The following EHBP1 variants were observed in gnomAD, a reference collection of about 807,000 sequenced individuals.
The protein encoded by EHBP1 is EH domain-binding protein 1.
Under a neutral mutation model 144.0 loss-of-function variants are expected in EHBP1, and 55 were observed. The ratio of observed to expected loss-of-function variants is 0.38; its 90% confidence interval spans 0.31 to 0.48. The LOEUF is 0.48. EHBP1 is among the 20% of genes least tolerant of loss of function. The pLI is 0.98. For synonymous variants in EHBP1, 469 were observed against 472.7 expected, an observed-to-expected ratio of 0.99 and a Z score of 0.10; for missense variants, 1,200 against 1,364.2, an observed-to-expected ratio of 0.88 and a Z score of 1.90.
chr2:62,741,551 T>G (rs1237312554), intron 2 of EHBP1, among the ~76,000 whole-genome samples: 1 of 152,140 alleles, frequency 6.6e-6, no homozygotes, highest in Non-Finnish European at 1.5e-5. Flanking sequence ...AGTGTCAGCG[T>G]TTTTGTTGTT....
intron 10 of EHBP1, among the ~76,000 whole-genome samples, chr2:62,940,443 A>G (rs78722946): frequency 0.098 from 14,946 of 152,218 alleles, 935 homozygotes; most frequent in Non-Finnish European, 0.14. Flanking sequence ...ACCCTATGAG[A>G]TATGTACCGT....
At chr2:62,681,359 T>TATATATATATATATATATAA (rs1553363754) in intron 1 of EHBP1, among the ~76,000 whole-genome samples, 10 of 78,342 alleles carry the variant, frequency 1.3e-4, no homozygotes, top group African/African-American at 3.7e-4. Context: ...TATATATATA[T>TATATATATATATATATATAA]AATGTGTATA....
At chr2:62,677,634 C>T (rs955724640) in intron 1 of EHBP1, among the ~76,000 whole-genome samples, 8 of 152,062 alleles carry the variant, frequency 5.3e-5, no homozygotes, top group Admixed American at 2.0e-4. Flanking sequence ...CTTCCCCCCA[C>T]CTACCCCACT....
chr2:62,981,632 C>T (rs895669419), intron 15 of EHBP1, among the ~76,000 whole-genome samples: 3 of 152,132 alleles, frequency 2.0e-5, no homozygotes, highest in African/African-American at 7.2e-5. Flanking sequence ...CTAGACTAGG[C>T]AAGGAGACTG....
intron 3 of EHBP1, among the ~76,000 whole-genome samples, chr2:62,758,351 C>T (rs1034351467): frequency 1.3e-5 from 2 of 152,144 alleles, no homozygotes; most frequent in Admixed American, 6.5e-5. Flanking sequence ...TCAGATGAGC[C>T]GCCCGCCTCA....
intron 3 of EHBP1, among the ~76,000 whole-genome samples, chr2:62,754,298 AGAACAGCAAATGTTGCT>A (rs758647566): frequency 2.3e-4 from 35 of 152,322 alleles, no homozygotes; most frequent in Middle Eastern, 6.8e-3. Flanking sequence ...TGAAGGCTGC[AGAACAGCAAATGTTGCT>A]GAACAGCAAA....
intron 5 of EHBP1, among the ~76,000 whole-genome samples, chr2:62,795,513 T>G (rs1346534406): frequency 6.6e-6 from 1 of 152,052 alleles, no homozygotes; most frequent in Non-Finnish European, 1.5e-5. Flanking sequence ...ATAAGGTTCT[T>G]AAGGCATCAG....
At chr2:62,918,881 G>C (rs1254574862) in intron 10 of EHBP1, among the ~76,000 whole-genome samples, 1 of 152,166 alleles carries the variant, frequency 6.6e-6, no homozygotes, top group East Asian at 1.9e-4. Flanking sequence ...TCCCAACCGA[G>C]ACAACATTTG....
At chr2:62,968,220 T>C (rs1364559714) in intron 14 of EHBP1, among the ~76,000 whole-genome samples, 1 of 152,152 alleles carries the variant, frequency 6.6e-6, no homozygotes, top group Non-Finnish European at 1.5e-5. Context: ...GAACTATGAC[T>C]TACATAGAAG....
chr2:62,839,161 T>C (rs1360677619), intron 7 of EHBP1, among the ~76,000 whole-genome samples: 1 of 151,170 alleles, frequency 6.6e-6, no homozygotes, highest in Admixed American at 6.6e-5. Context: ...GTGGGCTTCA[T>C]CCGTGGGATG....
chr2:62,932,586 T>A (rs1158527210), intron 10 of EHBP1, among the ~76,000 whole-genome samples: 2 of 152,142 alleles, frequency 1.3e-5, no homozygotes, highest in Admixed American at 1.3e-4. Context: ...AGTTTCAGTT[T>A]TACAAAATCA....
intron 7 of EHBP1, among the ~76,000 whole-genome samples, chr2:62,836,474 G>A (rs200402255): frequency 0.99 from 124,008 of 125,662 alleles, 61,177 homozygotes; most frequent in Middle Eastern, 1. Context: ...CACCAGCAAC[G>A]GAACAAAGCT....
intron 7 of EHBP1, among the ~76,000 whole-genome samples, chr2:62,843,947 A>G (rs549101160): frequency 2.0e-5 from 3 of 152,208 alleles, no homozygotes; most frequent in Non-Finnish European, 2.9e-5. Flanking sequence ...CACAGTTTTT[A>G]TGGAGGAATT....
chr2:62,990,872 A>G, intron 16 of EHBP1, 32 bp downstream of exon 16: 1 of 1,572,556 alleles, frequency 6.4e-7, no homozygotes, highest in Non-Finnish European at 8.6e-7. Context: ...CATTTGGCTT[A>G]GTATCTGTGT....
At chr2:63,021,790 G>A (rs370519694) in intron 19 of EHBP1, among the ~76,000 whole-genome samples, 27 of 151,168 alleles carry the variant, frequency 1.8e-4, no homozygotes, top group African/African-American at 5.6e-4. Context: ...TTTTTAAAAC[G>A]GAGTCTCACA....
At chr2:62,919,859 T>C (rs1236155474) in intron 10 of EHBP1, among the ~76,000 whole-genome samples, 1 of 151,860 alleles carries the variant, frequency 6.6e-6, no homozygotes, top group African/African-American at 2.4e-5. Flanking sequence ...AACTGAAAAG[T>C]ACAATAACTG....
At chr2:62,859,998 C>T (rs139811937) in intron 8 of EHBP1, among the ~76,000 whole-genome samples, 1 of 152,040 alleles carries the variant, frequency 6.6e-6, no homozygotes, top group Non-Finnish European at 1.5e-5. Context: ...TTTGCTACTG[C>T]CTGTCATGGT....
At chr2:62,914,004 G>A (rs190269245) in intron 10 of EHBP1, among the ~76,000 whole-genome samples, 1 of 152,232 alleles carries the variant, frequency 6.6e-6, no homozygotes, top group East Asian at 1.9e-4. Context: ...TAACACCAAA[G>A]CTAATAATGA....
chr2:62,840,321 C>A (rs1402839291), intron 7 of EHBP1, among the ~76,000 whole-genome samples: 1 of 136,326 alleles, frequency 7.3e-6, no homozygotes, highest in Non-Finnish European at 1.6e-5. Flanking sequence ...TTCCTTACAC[C>A]TTATACAAAA....
Sources: gnomAD v4.1 joint callset for allele counts (sites outside exome capture counted in the v4.1 genomes callset) on GRCh38, gnomAD v4.1.1 for gene constraint, MANE v1.5 for transcripts, NCBI Gene and HGNC (gene_info 2026-07-23, HGNC 2026-07-21) for gene names.